Variants in ZSCAN31 observed in about 807,000 individuals in gnomAD.
ZSCAN31 encodes the protein zinc finger and SCAN domain containing 31.
ZSCAN31 carries 14 observed loss-of-function variants against 22.5 expected under a neutral mutation model. The ratio of observed to expected loss-of-function variants is 0.62; its 90% CI spans 0.41 to 0.97. The LOEUF (loss-of-function observed/expected upper bound fraction) is 0.97. Ranked by LOEUF, ZSCAN31 falls within the 50% of genes least tolerant of loss-of-function variation. The probability of loss-of-function intolerance (pLI) is 0.00; values close to 1 mark genes in which losing one functional copy is unlikely to be tolerated. For synonymous variants in ZSCAN31, 168 were observed against 169.8 expected, an observed-to-expected ratio of 0.99 and a Z score of 0.08; for missense variants, 424 against 483.4, an observed-to-expected ratio of 0.88 and a Z score of 1.15.
In ZSCAN31 at chr6:28,349,845, G is replaced by T. The variant is rs1240881850; in HGVS notation, c.-371+4017C>A. The T allele has an allele frequency of 6.6e-6, 1 of 152,248 alleles. No homozygotes were observed. The highest frequency in any genetic ancestry group is 1.5e-5 in the Non-Finnish European group (1 of 68,044). The allele number at this position is 152,248 out of a possible 1,614,324, so 9.4% of individuals were successfully genotyped here. A position where few individuals can be genotyped will look rare whatever the true frequency, so the allele number is the denominator to read the frequency against. ...TAAAAGCCTCTTTAATAGCAAAAGG[G>T]GAGGGGACACAAGGTGCCGAGCTAG... On this transcript the variant is annotated intron_variant, in intron 2 of 7. Transcript: ENST00000396838. The surrounding 1 kb of genome is among the most constrained non-coding windows in gnomAD (Gnocchi z 4.1).
At chr6:28,354,337 G>A (rs1000103709), upstream of ZSCAN31, 9 of 218,586 alleles carry the variant, frequency 4.1e-5, no homozygotes, top group East Asian at 1.1e-4. Flanking sequence ...GCTGAGTCAC[G>A]CTGGCCTGCA....
rs1764986205 is a variant in ZSCAN31, at chr6:28,351,168, T to G, written c.-371+2694A>C. On this transcript the variant is annotated intron_variant, in intron 2 of 7. Coordinates refer to the ZSCAN31 transcript ENST00000396838. This position sits in a 1 kb window ranked among gnomAD's most constrained non-coding sequence, Gnocchi z 4.6. The stretch of plus-strand genomic sequence containing the variant: ...GTATATTTACTGATTTGATAAATAC[T>G]TTGTGTTGGCAACCAATTTCCCAAT... 6.6e-6 allele frequency among the ~76,000 whole-genome samples: 1 copy of G among 152,240 alleles called. No homozygotes were observed. Among genetic ancestry groups the G allele is most frequent in the Non-Finnish European group, 1.5e-5 (1 of 68,046 alleles).
upstream of ZSCAN31, among the ~76,000 whole-genome samples, chr6:28,338,932 A>AT: frequency 1.3e-5 from 2 of 152,280 alleles, no homozygotes; most frequent in Admixed American, 1.3e-4. Context: ...GGACATTCAA[A>AT]TTTTTTTATG....
At chr6:28,342,532 A>G (rs533668926) in intron 2 of ZSCAN31, among the ~76,000 whole-genome samples, 6 of 152,216 alleles carry the variant, frequency 3.9e-5, no homozygotes, top group Non-Finnish European at 7.3e-5. Flanking sequence ...GACCTAGCCA[A>G]CATGTAGTGT....
chr6:28,329,255 C>T, intron 2 of ZSCAN31, 48 bp downstream of exon 2: 1 of 1,525,126 alleles, frequency 6.6e-7, no homozygotes, highest in African/African-American at 1.4e-5. Context: ...CCAAACCCCA[C>T]CTTTCATTTA....
Position 28,326,096 on chromosome 6 carries a change from A to G in ZSCAN31, c.*70T>C. The G allele has an allele frequency of 7.1e-7, 1 of 1,410,810 alleles. No individual in the cohort carries two copies. Among genetic ancestry groups the G allele is most frequent in the Non-Finnish European group, 9.6e-7 (1 of 1,036,428 alleles). The allele number at this position is 1,410,810 out of a possible 1,614,324, so 87.4% of individuals were successfully genotyped here. Reference sequence around the variant, plus strand: ...CACAGAATTAGTCCAGTTCTGCTGGAACAGTATGGATTCTAAAATGCCTAA... The same window carrying G: ...CACAGAATTAGTCCAGTTCTGCTGGGACAGTATGGATTCTAAAATGCCTAA... On this transcript the variant is annotated 3_prime_UTR_variant, in exon 4 of 4. Coordinates refer to ENST00000344279, the MANE Select transcript of ZSCAN31 (RefSeq NM_030899.5).
At chr6:28,353,843 A>G (rs1161019132) in intron 2 of ZSCAN31, 4 of 457,066 alleles carry the variant, frequency 8.8e-6, no homozygotes, top group Non-Finnish European at 1.8e-5. Context: ...CTATTAGCCA[A>G]CATGTATATG....
At chr6:28,329,941 G>A (rs1763616066) in intron 1 of ZSCAN31, among the ~76,000 whole-genome samples, 163 bp from the exon 2 acceptor site, 1 of 152,174 alleles carries the variant, frequency 6.6e-6, no homozygotes, top group Non-Finnish European at 1.5e-5. Context: ...CTATGGCAGA[G>A]TATGTTAATG....
chr6:28,338,506 C>T (rs1764288820), upstream of ZSCAN31, among the ~76,000 whole-genome samples: 1 of 152,034 alleles, frequency 6.6e-6, no homozygotes, highest in Non-Finnish European at 1.5e-5. Context: ...GTTCTGTCAA[C>T]TAAGCTGGGG....
intron 2 of ZSCAN31, chr6:28,341,907 G>A (rs2113852094): frequency 6.6e-6 from 1 of 152,272 alleles, no homozygotes; most frequent in East Asian, 1.9e-4. Context: ...ACTGTAAGAT[G>A]TGTAGGAACA....
At chr6:28,337,809 C>A (rs1764251877), upstream of ZSCAN31, 1 of 152,112 alleles carries the variant, frequency 6.6e-6, no homozygotes, top group Non-Finnish European at 1.5e-5. Flanking sequence ...GCCTGTAATC[C>A]CAACACTTTG....
intron 1 of ZSCAN31, 67 bp from the exon 2 acceptor site, chr6:28,329,845 G>A: frequency 1.3e-6 from 1 of 751,374 alleles, no homozygotes; most frequent in Non-Finnish European, 2.1e-6. Flanking sequence ...AGCAAAGTAT[G>A]GAAACATGAA....
chr6:28,333,205 G>A lies in ZSCAN31; in HGVS notation c.-96+2877C>T, dbSNP rs1237874565. Among the ~76,000 whole-genome samples the A allele has an allele frequency of 2.0e-5, 3 of 152,214 alleles. No homozygotes were observed. Among genetic ancestry groups the A allele is most frequent in the Non-Finnish European group, 4.4e-5 (3 of 68,052 alleles). The stretch of plus-strand genomic sequence containing the variant: ...TGAAAGGGAGACAGAAAAATAAAAG[G>A]TAGTTGACTGCTGACTCAGCTTATG... On this transcript the variant is annotated intron_variant, in intron 1 of 3. Transcript: ENST00000344279. This position sits in a 1 kb window ranked among gnomAD's most constrained non-coding sequence, Gnocchi z 4.1.
chr6:28,352,119 A>G (rs1765074709), intron 2 of ZSCAN31, among the ~76,000 whole-genome samples: 1 of 152,104 alleles, frequency 6.6e-6, no homozygotes, highest in Non-Finnish European at 1.5e-5. Flanking sequence ...TCCTTTTGGT[A>G]AAAATGCCAT....
At chr6:28,354,513 T>G (rs1214499833), upstream of ZSCAN31, among the ~76,000 whole-genome samples, 1 of 152,096 alleles carries the variant, frequency 6.6e-6, no homozygotes, top group African/African-American at 2.4e-5. Context: ...CACACAGGCT[T>G]GACACATAAG....
At chr6:28,328,873 C>A (rs853681) in intron 2 of ZSCAN31, among the ~76,000 whole-genome samples, 29,216 of 152,158 alleles carry the variant, frequency 0.19, 3,628 homozygotes, top group African/African-American at 0.35. Context: ...CTACATTCTT[C>A]TGCTATGGCT....
In ZSCAN31 at chr6:28,331,706, T is replaced by C. The variant is rs1763755703; in HGVS notation, c.-95-1928A>G. On this transcript the variant is annotated intron_variant, in intron 1 of 3. Transcript: ENST00000344279. The surrounding 1 kb of genome is among the most constrained non-coding windows in gnomAD (Gnocchi z 4.8). ...ATTATGAATTTGTATTGGATTCCAT[T>C]ATTATTAAACATGTAGCTTCTCATG... Among the ~76,000 whole-genome samples the C allele has an allele frequency of 6.6e-6, 1 of 152,246 alleles. No homozygotes were observed. The highest frequency in any genetic ancestry group is 2.4e-5 in the African/African-American group (1 of 41,466).
chr6:28,337,327 C>T (rs723476), upstream of ZSCAN31, among the ~76,000 whole-genome samples: 15,118 of 151,994 alleles, frequency 0.099, 1,109 homozygotes, highest in East Asian at 0.31. Flanking sequence ...TTTTTGGATC[C>T]CTAACCAAGG....
At chr6:28,345,180 A>G (rs1168610155) in intron 2 of ZSCAN31, among the ~76,000 whole-genome samples, 1 of 151,940 alleles carries the variant, frequency 6.6e-6, no homozygotes, top group Non-Finnish European at 1.5e-5. Context: ...AAAGAAAAGA[A>G]AAGAAAAATG....
Sources: allele counts gnomAD v4.1 joint callset (sites outside exome capture counted in the v4.1 genomes callset), GRCh38; gene constraint gnomAD v4.1.1; non-coding constraint Gnocchi (gnomAD v3.1); transcripts MANE v1.5; gene names NCBI Gene and HGNC (gene_info 2026-07-23, HGNC 2026-07-21).